CDH20: variants seen among roughly 807,000 people sequenced by gnomAD.
CDH20 encodes the protein cadherin 20.
CDH20 carries 29 observed loss-of-function variants against 74.2 expected under a neutral mutation model. That is an observed-to-expected ratio of 0.39 (90% CI 0.29 to 0.53). The LOEUF (loss-of-function observed/expected upper bound fraction) is 0.53. Ranked by LOEUF, CDH20 falls within the 20% of genes least tolerant of loss-of-function variation. The pLI is 0.69. For missense variants in CDH20, 988 were observed against 1,048.3 expected, an observed-to-expected ratio of 0.94 and a Z score of 0.79; for synonymous variants, 469 against 405.4, an observed-to-expected ratio of 1.16 and a Z score of -1.88.
At chr18:61,405,134 AC>A (rs1362477154) in intron 1 of CDH20, 5 of 621,450 alleles carry the variant, frequency 8.0e-6, no homozygotes, top group Non-Finnish European at 1.2e-5. Context: ...CATGCTTCTC[AC>A]TTTTTATAAC....
chr18:61,531,866 C>T (rs1012412783), intron 7 of CDH20, among the ~76,000 whole-genome samples: 2 of 152,190 alleles, frequency 1.3e-5, no homozygotes, highest in South Asian at 2.1e-4. Context: ...GACATGTTTG[C>T]GTCCCTTTCC....
At chr18:61,334,801 T>C (rs1364374975) in intron 1 of CDH20, among the ~76,000 whole-genome samples, 2 of 152,178 alleles carry the variant, frequency 1.3e-5, no homozygotes, top group East Asian at 1.9e-4. Flanking sequence ...GTTGGTCGCC[T>C]GGTAGATTCA....
At chr18:61,498,977 A>G (rs1599127847) in intron 2 of CDH20, among the ~76,000 whole-genome samples, 1 of 152,154 alleles carries the variant, frequency 6.6e-6, no homozygotes. Context: ...ACAGAATGGG[A>G]CATGGAAAAT....
chr18:61,461,738 G>A (rs1282060002), intron 1 of CDH20, among the ~76,000 whole-genome samples: 1 of 152,126 alleles, frequency 6.6e-6, no homozygotes, highest in African/African-American at 2.4e-5. Context: ...CCAAGTAGAG[G>A]GGCTCAAGAG....
At chr18:61,456,088 T>C (rs1909562479) in intron 1 of CDH20, among the ~76,000 whole-genome samples, 3 of 152,250 alleles carry the variant, frequency 2.0e-5, no homozygotes, top group Non-Finnish European at 4.4e-5. Context: ...CTTCACCGTT[T>C]GGGGTGGCCC....
chr18:61,453,322 G>A (rs1329613402), intron 1 of CDH20, among the ~76,000 whole-genome samples: 1 of 152,128 alleles, frequency 6.6e-6, no homozygotes, highest in Non-Finnish European at 1.5e-5. Context: ...CTGTCACCCA[G>A]GCTAGAGTGC....
chr18:61,447,831 CCTT>C (rs1448154057), intron 1 of CDH20, among the ~76,000 whole-genome samples: 2 of 152,158 alleles, frequency 1.3e-5, no homozygotes, highest in Admixed American at 6.5e-5. Flanking sequence ...TGAGGTTACT[CCTT>C]CTCTCCTAGC....
chr18:61,500,623 T>G, intron 4 of CDH20, 121 bp downstream of exon 4: 1 of 1,036,292 alleles, frequency 9.6e-7, no homozygotes, highest in South Asian at 2.2e-5. Context: ...CAGAGAAGAC[T>G]GCTCTTAGCT....
chr18:61,352,417 A>T (rs776816449), intron 1 of CDH20, among the ~76,000 whole-genome samples: 1 of 152,250 alleles, frequency 6.6e-6, no homozygotes, highest in Admixed American at 6.5e-5. Context: ...TTTGTGATTT[A>T]TGATAATAAA....
At chr18:61,422,149 G>T (rs888241073) in intron 1 of CDH20, among the ~76,000 whole-genome samples, 1 of 152,066 alleles carries the variant, frequency 6.6e-6, no homozygotes, top group Non-Finnish European at 1.5e-5. Flanking sequence ...CGGTTCTTTA[G>T]CTCCATGGGA....
intron 1 of CDH20, among the ~76,000 whole-genome samples, chr18:61,485,989 C>T (rs539444033): frequency 3.2e-4 from 49 of 152,252 alleles, no homozygotes; most frequent in African/African-American, 1.1e-3. Flanking sequence ...AGGAGAATGG[C>T]GTGAACCCGG....
chr18:61,554,014 G>C (rs1372087432), intron 11 of CDH20, among the ~76,000 whole-genome samples, 176 bp from the exon 12 acceptor site: 7 of 152,292 alleles, frequency 4.6e-5, no homozygotes, highest in Non-Finnish European at 7.3e-5. Context: ...CTTACAGAAA[G>C]AGGACAAAGT....
intron 1 of CDH20, among the ~76,000 whole-genome samples, chr18:61,383,982 C>G (rs1448783229): frequency 3.3e-5 from 5 of 152,228 alleles, no homozygotes; most frequent in African/African-American, 9.6e-5. Context: ...CCTCCCCTAC[C>G]ATGCACACAA....
At chr18:61,549,422 A>G (rs1339401005) in intron 10 of CDH20, among the ~76,000 whole-genome samples, 3 of 152,252 alleles carry the variant, frequency 2.0e-5, no homozygotes, top group Non-Finnish European at 4.4e-5. Context: ...CTTCTACTAA[A>G]TGAGCAGGTT....
rs770273987 is a variant in CDH20 at position 61,462,723 on chromosome 18, A to AGG, written c.-152-27679_-152-27678insGG. On this transcript the variant is annotated intron_variant, in intron 1 of 11. Transcript: ENST00000262717. ...ATAATGAATATCTTACAAAAAAAAA[A>AGG]AGGGGGGGGGGGCATCTAGGGCATG... Among the ~76,000 whole-genome samples, 84 of 128,482 alleles carry AGG rather than the reference A, an allele frequency of 6.5e-4. 1 individual carries two copies. The highest frequency in any genetic ancestry group is 3.8e-3 in the South Asian group (14 of 3,644). 84.3% of individuals were successfully genotyped at this position (128,482 alleles called of 152,430 possible).
chr18:61,520,727 A>G (rs1238444205), intron 6 of CDH20, among the ~76,000 whole-genome samples: 1 of 151,316 alleles, frequency 6.6e-6, no homozygotes, highest in Non-Finnish European at 1.5e-5. Flanking sequence ...TGGAAATCAT[A>G]ACAAACAGTA....
chr18:61,444,412 C>A (rs536726111), intron 1 of CDH20, among the ~76,000 whole-genome samples: 17 of 152,118 alleles, frequency 1.1e-4, no homozygotes, highest in African/African-American at 4.1e-4. Context: ...ATGTCCAGAC[C>A]AAAAGGGATG....
intron 1 of CDH20, among the ~76,000 whole-genome samples, chr18:61,426,845 C>A (rs72991856): frequency 0.18 from 27,908 of 152,188 alleles, 2,738 homozygotes; most frequent in Non-Finnish European, 0.23. Flanking sequence ...TCTGTCAGGA[C>A]ATCAAGTATC....
At chr18:61,483,438 A>G (rs1910658345) in intron 1 of CDH20, among the ~76,000 whole-genome samples, 1 of 152,186 alleles carries the variant, frequency 6.6e-6, no homozygotes, top group Non-Finnish European at 1.5e-5. Flanking sequence ...GAAACAAAAC[A>G]TTTTTGTGGA....
Sources: allele counts gnomAD v4.1 joint callset (sites outside exome capture counted in the v4.1 genomes callset), GRCh38; gene constraint gnomAD v4.1.1; transcripts MANE v1.5; gene names NCBI Gene and HGNC (gene_info 2026-07-23, HGNC 2026-07-21).